COL26A1: variants seen among roughly 807,000 people sequenced by gnomAD.
COL26A1 encodes collagen type XXVI alpha 1 chain, also known as collagen alpha-1(XXVI) chain.
Under a neutral mutation model 59.3 loss-of-function variants are expected in COL26A1, and 41 were observed. That is an observed-to-expected ratio of 0.69 (90% confidence interval 0.54 to 0.90). The LOEUF is 0.90. Among genes scored for constraint, COL26A1 ranks in the 40% least tolerant of loss-of-function variants. COL26A1 has a pLI of 0.00. For synonymous variants in COL26A1, 266 were observed against 256.0 expected (o/e 1.04, Z -0.37); for missense variants, 612 against 602.3 (o/e 1.02, Z -0.17).
At chr7:101,462,259 G>A (rs4415254) in intron 3 of COL26A1, among the ~76,000 whole-genome samples, 66,658 of 151,670 alleles carry the variant, frequency 0.44, 15,425 homozygotes, top group Middle Eastern at 0.54. Context: ...TGGCCTCCCA[G>A]AGTGCTGGGA....
intron 3 of COL26A1, among the ~76,000 whole-genome samples, chr7:101,481,793 C>T (rs10241622): frequency 0.096 from 14,565 of 151,900 alleles, 1,430 homozygotes; most frequent in African/African-American, 0.25. Context: ...GTGTTTGTAG[C>T]AGAGGTTTTT....
At chr7:101,484,478 C>A (rs1182731277) in intron 3 of COL26A1, among the ~76,000 whole-genome samples, 1 of 152,078 alleles carries the variant, frequency 6.6e-6, no homozygotes, top group Non-Finnish European at 1.5e-5. Flanking sequence ...TCCAGCGATT[C>A]TCCTGCCTCA....
intron 2 of COL26A1, among the ~76,000 whole-genome samples, chr7:101,424,798 C>G (rs528622556): frequency 9.4e-4 from 143 of 152,250 alleles, no homozygotes; most frequent in Non-Finnish European, 1.6e-3. Context: ...ATTCCTGTCT[C>G]AGGTCCTGGT....
intron 3 of COL26A1, among the ~76,000 whole-genome samples, chr7:101,489,607 TTC>T (rs771386028): frequency 5.1e-5 from 2 of 39,202 alleles, no homozygotes; most frequent in Admixed American, 4.5e-4. Flanking sequence ...TTCTTTTTCT[TTC>T]TTTCTTTCTT....
intron 1 of COL26A1, among the ~76,000 whole-genome samples, chr7:101,409,339 G>A (rs1037963912): frequency 2.0e-5 from 3 of 152,210 alleles, no homozygotes; most frequent in African/African-American, 7.2e-5. Context: ...TTAGCAAAGT[G>A]GATGGAGCAT....
Position 101,489,752 on chromosome 7 carries a change from G to GTCTCTCTT in COL26A1, c.385+41969_385+41976dup, listed in dbSNP as rs1563007721. ...CTCTCTCTTTCTCTCTTTCTTTCTTGTCTCTCTTTCTTTCTTTCTTTCTTT... is the reference window on the plus strand; with the variant it reads ...CTCTCTCTTTCTCTCTTTCTTTCTTGTCTCTCTTTCTCTCTTTCTTTCTTTCTTTCTTT... On this transcript the variant is annotated intron_variant, in intron 3 of 12. Coordinates refer to ENST00000313669, the MANE Select transcript of COL26A1 (RefSeq NM_001278563.3). 9.1e-4 allele frequency among the ~76,000 whole-genome samples: 23 copies of GTCTCTCTT among 25,380 alleles called. 3 individuals carry two copies. In the East Asian group the frequency reaches 0.013, roughly 14 times the overall value. 16.7% of individuals were successfully genotyped at this position (25,380 alleles called of 152,430 possible).
chr7:101,481,447 A>AATATATAT (rs60951062), intron 3 of COL26A1, among the ~76,000 whole-genome samples: 168 of 143,476 alleles, frequency 1.2e-3, no homozygotes, highest in African/African-American at 3.6e-3. Flanking sequence ...AATCTCCCAA[A>AATATATAT]ATATATATAT....
Position 101,499,831 on chromosome 7 carries a change from G to A in COL26A1, c.386-33251G>A, listed in dbSNP as rs932896986. Among the ~76,000 whole-genome samples the A allele has an allele frequency of 4.0e-5, 6 of 148,180 alleles. No homozygotes were observed. In the Admixed American group the frequency reaches 4.1e-4, roughly 10 times the overall value. On this transcript the variant is annotated intron_variant, in intron 3 of 12. Coordinates refer to ENST00000313669, the MANE Select transcript of COL26A1 (RefSeq NM_001278563.3). ...GGTGGAGGCTGCAGTGAGCCATGTTGTTCACATCACTGCACTCCAACCTGG... is the reference window on the plus strand; with the variant it reads ...GGTGGAGGCTGCAGTGAGCCATGTTATTCACATCACTGCACTCCAACCTGG...
At chr7:101,551,745 C>CAAAAAAA (rs11351013) in intron 10 of COL26A1, among the ~76,000 whole-genome samples, 6 of 137,618 alleles carry the variant, frequency 4.4e-5, no homozygotes, top group African/African-American at 1.3e-4. Context: ...GACTCCATCT[C>CAAAAAAA]AAAAAAAAAA....
intron 3 of COL26A1, among the ~76,000 whole-genome samples, chr7:101,478,813 C>A (rs1319628454): frequency 6.6e-6 from 1 of 152,130 alleles, no homozygotes; most frequent in Non-Finnish European, 1.5e-5. Flanking sequence ...ATATTTATAG[C>A]TATAAACAAA....
At chr7:101,489,591 TTTTCTTTCTTTTTC>T (rs1479309749) in intron 3 of COL26A1, among the ~76,000 whole-genome samples, 1 of 151,144 alleles carries the variant, frequency 6.6e-6, no homozygotes, top group Non-Finnish European at 1.5e-5. Context: ...CACTCGGCTA[TTTTCTTTCTTTTTC>T]TTTCTTTCTT....
chr7:101,466,829 TGTGTGTGTGAGA>T (rs565504472), intron 3 of COL26A1, among the ~76,000 whole-genome samples: 11,867 of 138,812 alleles, frequency 0.085, 549 homozygotes, highest in Middle Eastern at 0.13. Context: ...TGTGTGTGTG[TGTGTGTGTGAGA>T]GAGAGAGATT....
intron 2 of COL26A1, among the ~76,000 whole-genome samples, chr7:101,429,447 G>T (rs1792725286): frequency 6.6e-6 from 1 of 151,492 alleles, no homozygotes; most frequent in African/African-American, 2.4e-5. Flanking sequence ...TTCTTTCTAA[G>T]TTCTCTGTTC....
intron 1 of COL26A1, among the ~76,000 whole-genome samples, chr7:101,415,071 A>G (rs2130255622): frequency 6.6e-6 from 1 of 152,274 alleles, no homozygotes; most frequent in Non-Finnish European, 1.5e-5. Context: ...GTTGATTAAG[A>G]ATGATGCCTT....
chr7:101,477,360 G>A (rs1328502791), intron 3 of COL26A1, among the ~76,000 whole-genome samples: 1 of 152,144 alleles, frequency 6.6e-6, no homozygotes, highest in African/African-American at 2.4e-5. Context: ...ATTAGCATGC[G>A]GAGTGTGAGG....
intron 3 of COL26A1, among the ~76,000 whole-genome samples, chr7:101,465,507 C>T (rs150753939): frequency 6.6e-6 from 1 of 151,908 alleles, no homozygotes; most frequent in South Asian, 2.1e-4. Flanking sequence ...GCCTGGCCAA[C>T]ATGGTGAAAC....
intron 11 of COL26A1, 55 bp downstream of exon 11, chr7:101,553,431 C>T: frequency 6.4e-7 from 1 of 1,556,242 alleles, no homozygotes; most frequent in Non-Finnish European, 8.8e-7. Flanking sequence ...TGAGCACTGT[C>T]ACGGGAGGGC....
chr7:101,491,171 C>T (rs899445951), intron 3 of COL26A1, among the ~76,000 whole-genome samples: 2 of 152,046 alleles, frequency 1.3e-5, no homozygotes, highest in Non-Finnish European at 2.9e-5. Flanking sequence ...CCCCCCTGCA[C>T]GGCATGGTCA....
intron 2 of COL26A1, among the ~76,000 whole-genome samples, chr7:101,427,693 A>G (rs148768192): frequency 0.012 from 1,803 of 151,480 alleles, 28 homozygotes; most frequent in African/African-American, 0.042. Flanking sequence ...TGTTTTAGAT[A>G]TGGGATCTTG....
Sources: gnomAD v4.1 joint callset for allele counts (sites outside exome capture counted in the v4.1 genomes callset) on GRCh38, gnomAD v4.1.1 for gene constraint, MANE v1.5 for transcripts, NCBI Gene and HGNC (gene_info 2026-07-23, HGNC 2026-07-21) for gene names.